Variants in MINDY4 observed in about 807,000 individuals in gnomAD.
The protein encoded by MINDY4 is probable ubiquitin carboxyl-terminal hydrolase MINDY-4.
A neutral mutation model predicts 87.0 loss-of-function variants in MINDY4; 68 were observed. The observed-to-expected ratio is 0.78, with a 90% CI of 0.64 to 0.96. The LOEUF (loss-of-function observed/expected upper bound fraction) is 0.96, where lower values mean the gene tolerates loss of function less well. MINDY4 is among the 40% of genes least tolerant of loss of function. MINDY4 has a pLI of 0.00. For synonymous variants in MINDY4, 379 were observed against 363.2 expected, an observed-to-expected ratio of 1.04 and a Z score of -0.50; for missense variants, 919 against 928.2, an observed-to-expected ratio of 0.99 and a Z score of 0.13.
chr7:30,790,698 G>C (rs1787295556), intron 4 of MINDY4, among the ~76,000 whole-genome samples: 1 of 152,150 alleles, frequency 6.6e-6, no homozygotes, highest in South Asian at 2.1e-4. Flanking sequence ...ACCCGCCTTG[G>C]CCTCCCAAAG....
chr7:30,850,543 C>T lies in MINDY4; in HGVS notation c.1535C>T (p.Ala512Val), dbSNP rs762386763. Residue 512 changes from alanine to valine, a missense_variant, in exon 10 of 18, where the codon GCC becomes GTC. Coordinates refer to ENST00000265299, the MANE Select transcript of MINDY4 (RefSeq NM_032222.3). The part of the protein sequence containing the change: ...IVWRAGGRER[A>V]VVALASRTQQ... ...TGGCGGGCAGGGGGCCGAGAGAGAG[C>T]CGTTGTTGCACTGTAAGTGGTTCCG... 1.2e-6 allele frequency: 2 copies of T among 1,603,932 alleles called. No individual in the cohort carries two copies. The highest frequency in any genetic ancestry group is 1.7e-6 in the Non-Finnish European group (2 of 1,175,190).
Position 30,791,673 on chromosome 7 carries a change from C to G in MINDY4, c.1073+99C>G, listed in dbSNP as rs570097105. On this transcript the variant is annotated intron_variant, in intron 5 of 17. Coordinates refer to ENST00000265299, the MANE Select transcript of MINDY4 (RefSeq NM_032222.3). ...GGCTCCGAAGGGAACTTCTTAGTCTCCTTGGTCTCTCAGAACAAGCCTGCG... is the reference window on the plus strand; with the variant it reads ...GGCTCCGAAGGGAACTTCTTAGTCTGCTTGGTCTCTCAGAACAAGCCTGCG... 31 of 1,291,142 alleles carry G rather than the reference C, an allele frequency of 2.4e-5. No individual in the cohort carries two copies. In the Admixed American group the frequency reaches 5.4e-4, roughly 22 times the overall value. 80.0% of individuals were successfully genotyped at this position (1,291,142 alleles called of 1,614,324 possible). A position where few individuals can be genotyped will look rare whatever the true frequency, so the allele number is the denominator to read the frequency against.
intron 5 of MINDY4, among the ~76,000 whole-genome samples, chr7:30,826,058 T>G (rs1205960522): frequency 1.3e-5 from 2 of 152,222 alleles, no homozygotes; most frequent in African/African-American, 4.8e-5. Flanking sequence ...GCTTCCATGT[T>G]CACATCGCCT....
intron 9 of MINDY4, 85 bp downstream of exon 9, chr7:30,840,933 T>C: frequency 8.4e-7 from 1 of 1,187,994 alleles, no homozygotes; most frequent in Non-Finnish European, 1.2e-6. Flanking sequence ...GAAGCATGTG[T>C]GTTCCCTGAT....
intron 9 of MINDY4, among the ~76,000 whole-genome samples, chr7:30,845,268 A>ATTCT (rs899772560): frequency 1.4e-4 from 21 of 152,296 alleles, no homozygotes; most frequent in Admixed American, 1.0e-3. Context: ...TGAACACAGA[A>ATTCT]GAGTACAGAG....
intron 13 of MINDY4, among the ~76,000 whole-genome samples, chr7:30,863,680 G>A (rs887480890): frequency 1.3e-5 from 2 of 152,084 alleles, no homozygotes; most frequent in South Asian, 4.2e-4. Context: ...GAGTGCTGCC[G>A]ACCACTGCCT....
chr7:30,800,887 G>A (rs1262458725), intron 5 of MINDY4, among the ~76,000 whole-genome samples: 1 of 152,236 alleles, frequency 6.6e-6, no homozygotes, highest in African/African-American at 2.4e-5. Context: ...AGAATGGACA[G>A]TAGATGGCAG....
chr7:30,859,339 C>T lies in MINDY4; in HGVS notation c.1745+15C>T. ...TCTACAGAGCTGTGAGTATCTTTCTCCCTCAACTCCCTGGGGCTGGGCTGG... is the reference window on the plus strand; with the variant it reads ...TCTACAGAGCTGTGAGTATCTTTCTTCCTCAACTCCCTGGGGCTGGGCTGG... On this transcript the variant is annotated intron_variant, in intron 13 of 17. Coordinates refer to ENST00000265299, the MANE Select transcript of MINDY4 (RefSeq NM_032222.3). The T allele has an allele frequency of 6.2e-7, 1 of 1,612,532 alleles. No homozygotes were observed. The highest frequency in any genetic ancestry group is 8.5e-7 in the Non-Finnish European group (1 of 1,178,816).
chr7:30,825,561 G>A (rs924245625), intron 5 of MINDY4, among the ~76,000 whole-genome samples: 4 of 152,246 alleles, frequency 2.6e-5, no homozygotes, highest in African/African-American at 9.6e-5. Context: ...GGGGAAGGAT[G>A]TGGAAAATAG....
chr7:30,776,551 C>T (rs1007234303), intron 1 of MINDY4, among the ~76,000 whole-genome samples: 1 of 152,144 alleles, frequency 6.6e-6, no homozygotes, highest in Non-Finnish European at 1.5e-5. Flanking sequence ...AGTGCAAGCT[C>T]CCTGAGGACT....
At chr7:30,883,087 G>C in intron 17 of MINDY4, 94 bp downstream of exon 17, 1 of 1,171,576 alleles carries the variant, frequency 8.5e-7, no homozygotes. Context: ...AGGCAGATAG[G>C]TTCCTGGACC....
intron 5 of MINDY4, among the ~76,000 whole-genome samples, chr7:30,798,827 T>C (rs1020857113): frequency 2.0e-5 from 3 of 152,114 alleles, no homozygotes; most frequent in Non-Finnish European, 4.4e-5. Context: ...AGGCCAGTGG[T>C]GTTTCTTTGT....
chr7:30,840,957 T>C lies in MINDY4; in HGVS notation c.1445+109T>C. On this transcript the variant is annotated intron_variant, in intron 9 of 17. Coordinates refer to ENST00000265299, the MANE Select transcript of MINDY4 (RefSeq NM_032222.3). ...GTGTTCCCTGATATTTCCTGTCTTC[T>C]GCAGGTCAAGAAAGGAGAGGTTAAT... is the stretch of plus-strand genomic sequence containing the variant. 6 of 982,998 alleles carry C rather than the reference T, an allele frequency of 6.1e-6. No individual in the cohort carries two copies. In the South Asian group the frequency reaches 9.5e-5, roughly 16 times the overall value. The allele number at this position is 982,998 out of a possible 1,614,324, so 60.9% of individuals were successfully genotyped here.
intron 5 of MINDY4, among the ~76,000 whole-genome samples, chr7:30,815,039 G>T (rs902971268): frequency 3.9e-5 from 6 of 152,202 alleles, no homozygotes; most frequent in African/African-American, 1.4e-4. Flanking sequence ...CCTCTCGTTG[G>T]TGCAGCTTAC....
chr7:30,866,902 G>A (rs1008553434), intron 13 of MINDY4, among the ~76,000 whole-genome samples: 12 of 151,978 alleles, frequency 7.9e-5, no homozygotes, highest in Non-Finnish European at 7.4e-5. Flanking sequence ...TCCGTCCTGC[G>A]GAGCCTTCCA....
At chr7:30,835,519 A>G (rs1296369163) in intron 6 of MINDY4, among the ~76,000 whole-genome samples, 2 of 152,190 alleles carry the variant, frequency 1.3e-5, no homozygotes, top group African/African-American at 4.8e-5. Context: ...TAAATTCCAG[A>G]CTTTATTCCC....
At chr7:30,796,258 TCTGGA>T (rs762147516) in intron 5 of MINDY4, among the ~76,000 whole-genome samples, 4 of 152,184 alleles carry the variant, frequency 2.6e-5, no homozygotes, top group Admixed American at 6.5e-5. Flanking sequence ...CTCTTTTTTA[TCTGGA>T]CCTTGTGTGG....
chr7:30,835,261 T>A (rs1350177691), intron 6 of MINDY4, among the ~76,000 whole-genome samples: 1 of 152,206 alleles, frequency 6.6e-6, no homozygotes, highest in Non-Finnish European at 1.5e-5. Flanking sequence ...TCACATCTTA[T>A]GTGGATGGCA....
rs117272384 is a variant in MINDY4 at position 30,847,187 on chromosome 7, A to T, written c.1446-3267A>T. On this transcript the variant is annotated intron_variant, in intron 9 of 17. Coordinates refer to ENST00000265299, the MANE Select transcript of MINDY4 (RefSeq NM_032222.3). ...GCCCAAGCCTCTTACCTGTCTGATC[A>T]CTGTACTTTTTCCAACTCTACTGTG... 9.1e-3 allele frequency among the ~76,000 whole-genome samples: 1,388 copies of T among 152,318 alleles called. 19 individuals are homozygous for T. The highest frequency in any genetic ancestry group is 0.032 in the African/African-American group (1,349 of 41,560).
Sources: allele counts gnomAD v4.1 joint callset (sites outside exome capture counted in the v4.1 genomes callset), GRCh38; gene constraint gnomAD v4.1.1; transcripts MANE v1.5; gene names NCBI Gene and HGNC (gene_info 2026-07-23, HGNC 2026-07-21).